Variants in DIP2C observed in about 807,000 individuals in gnomAD.
DIP2C encodes DIP2 acetate--CoA ligase C (putative).
Under a neutral mutation model 192.4 loss-of-function variants are expected in DIP2C, and 33 were observed. That is an observed-to-expected ratio of 0.17 (90% CI 0.13 to 0.23). DIP2C has a LOEUF of 0.23. Ranked by LOEUF, DIP2C falls within the 10% of genes least tolerant of loss-of-function variation. The pLI is 1.00. For synonymous variants in DIP2C, 979 were observed against 864.1 expected, an observed-to-expected ratio of 1.13 and a Z score of -2.33; for missense variants, 1,537 against 2,110.1, an observed-to-expected ratio of 0.73 and a Z score of 5.32.
At chr10:660,302 T>C (rs987704052) in intron 1 of DIP2C, among the ~76,000 whole-genome samples, 7 of 151,708 alleles carry the variant, frequency 4.6e-5, no homozygotes, top group African/African-American at 1.7e-4. Flanking sequence ...ACAGAGATTC[T>C]AGCCCTTGTC....
At chr10:358,818 G>A (rs1162895459) in intron 22 of DIP2C, among the ~76,000 whole-genome samples, 2 of 86,360 alleles carry the variant, frequency 2.3e-5, no homozygotes, top group African/African-American at 9.2e-5. Flanking sequence ...CGGGGGATTG[G>A]AGGGGGCAGA....
At chr10:538,699 T>C (rs1013763256) in intron 1 of DIP2C, among the ~76,000 whole-genome samples, 2 of 152,196 alleles carry the variant, frequency 1.3e-5, no homozygotes, top group South Asian at 2.1e-4. Context: ...GAACCTCAAA[T>C]TACCCAGGAA....
intron 8 of DIP2C, among the ~76,000 whole-genome samples, chr10:409,870 G>A (rs984797660): frequency 6.6e-6 from 1 of 152,238 alleles, no homozygotes; most frequent in Non-Finnish European, 1.5e-5. Context: ...AGCCTAAAAT[G>A]AGTTCTTAAA....
At chr10:582,046 AAC>A (rs1471085002) in intron 1 of DIP2C, among the ~76,000 whole-genome samples, 7 of 152,018 alleles carry the variant, frequency 4.6e-5, no homozygotes, top group Admixed American at 6.6e-5. Context: ...CGTCTATGAG[AAC>A]ACAGTTTACA....
At chr10:468,590 G>A (rs1394851492) in intron 3 of DIP2C, among the ~76,000 whole-genome samples, 1 of 152,126 alleles carries the variant, frequency 6.6e-6, no homozygotes, top group Non-Finnish European at 1.5e-5. Flanking sequence ...GAGAAACCCT[G>A]TTTCTACTAA....
At chr10:619,541 G>GCCCTCCCTCCCTCCCTCCCT (rs1554757196) in intron 1 of DIP2C, among the ~76,000 whole-genome samples, 32 of 67,896 alleles carry the variant, frequency 4.7e-4, no homozygotes, top group East Asian at 9.0e-4. Context: ...CCGCCCGCCC[G>GCCCTCCCTCCCTCCCTCCCT]CCCTCCCACC....
At chr10:488,607 C>T (rs549129393) in intron 1 of DIP2C, among the ~76,000 whole-genome samples, 18 of 152,318 alleles carry the variant, frequency 1.2e-4, no homozygotes, top group African/African-American at 4.1e-4. Flanking sequence ...ACGCCCCGTA[C>T]ATCCTCCTGA....
intron 1 of DIP2C, among the ~76,000 whole-genome samples, chr10:497,394 C>A (rs567584515): frequency 2.6e-5 from 4 of 152,168 alleles, no homozygotes; most frequent in African/African-American, 9.7e-5. Flanking sequence ...ACAGGCTCTC[C>A]CCTCCCACAC....
intron 1 of DIP2C, among the ~76,000 whole-genome samples, chr10:633,992 G>A (rs571285408): frequency 2.0e-5 from 3 of 152,256 alleles, no homozygotes; most frequent in South Asian, 4.2e-4. Context: ...CTTCACTGCT[G>A]AAGGGACAAG....
chr10:305,923 C>T (rs914075690), intron 32 of DIP2C, among the ~76,000 whole-genome samples: 5 of 151,240 alleles, frequency 3.3e-5, no homozygotes, highest in African/African-American at 9.8e-5. Context: ...CTGGGATTAC[C>T]GGTGTGAGCC....
At chr10:540,180 G>GT (rs1847900333) in intron 1 of DIP2C, among the ~76,000 whole-genome samples, 1 of 152,266 alleles carries the variant, frequency 6.6e-6, no homozygotes, top group Non-Finnish European at 1.5e-5. Context: ...TGATGTGCGT[G>GT]TTTTAAAGTC....
chr10:689,550 G>A lies in DIP2C; in HGVS notation c.29C>T (p.Ala10Val), dbSNP rs751856967. The A allele has an allele frequency of 8.6e-6, 11 of 1,278,936 alleles. No individual in the cohort carries two copies. The highest frequency in any genetic ancestry group is 4.3e-5 in the East Asian group (1 of 23,274). 79.2% of individuals were successfully genotyped at this position (1,278,936 alleles called of 1,614,324 possible). The change falls in exon 1 of 37, where the codon GCG becomes GTG. Residue 10 changes from alanine (A) to valine (V), a missense_variant. By Grantham distance (64) the Ala-to-Val change is moderately conservative. Around this residue, in one of 4 missense-constraint regions of DIP2C, gnomAD observed 473 missense variants for 539.6 expected, o/e 0.88. Transcript: ENST00000280886. This position sits in a 1 kb window ranked among gnomAD's most constrained non-coding sequence, Gnocchi z 6.1. ...GCGCGCCCGCACCTCCAGGGGCAGC[G>A]CCATGCCCTCCAGGCTGCGGTCCGC... MADRSLEGM[A>V]LPLEVRARLA...
chr10:326,115 G>C (rs1184501729), intron 31 of DIP2C, among the ~76,000 whole-genome samples: 3 of 152,110 alleles, frequency 2.0e-5, no homozygotes, highest in African/African-American at 4.8e-5. Context: ...TGGGAGCGGG[G>C]GGCAGGGGGT....
intron 1 of DIP2C, among the ~76,000 whole-genome samples, chr10:612,829 T>G (rs1360754176): frequency 6.6e-6 from 1 of 152,178 alleles, no homozygotes; most frequent in Non-Finnish European, 1.5e-5. Context: ...GCAAGTATTC[T>G]CTTCCGGAAA....
chr10:337,238 G>T (rs1345627092), intron 29 of DIP2C, among the ~76,000 whole-genome samples: 1 of 14,408 alleles, frequency 6.9e-5, no homozygotes, highest in African/African-American at 2.2e-4. Flanking sequence ...GGCCTAGGCC[G>T]GTGTGTGTGT....
intron 2 of DIP2C, among the ~76,000 whole-genome samples, chr10:473,153 T>C (rs2133448755): frequency 6.6e-6 from 1 of 152,240 alleles, no homozygotes; most frequent in Middle Eastern, 3.4e-3. Flanking sequence ...CAAAAAACAT[T>C]AATGCGGTCA....
chr10:443,334 A>G (rs1453351216), intron 3 of DIP2C, among the ~76,000 whole-genome samples: 2 of 152,182 alleles, frequency 1.3e-5, no homozygotes, highest in African/African-American at 4.8e-5. Context: ...ACTTCTGTCA[A>G]TATGAACTCA....
chr10:585,154 A>AAAAC (rs1438404315), intron 1 of DIP2C, among the ~76,000 whole-genome samples: 2 of 152,194 alleles, frequency 1.3e-5, no homozygotes, highest in African/African-American at 4.8e-5. Flanking sequence ...CCCTCAACAC[A>AAAAC]AAACAAGCTT....
intron 1 of DIP2C, among the ~76,000 whole-genome samples, chr10:603,887 CCA>C (rs1852273552): frequency 6.6e-6 from 1 of 151,970 alleles, no homozygotes; most frequent in African/African-American, 2.4e-5. Flanking sequence ...GCTCACAGCC[CCA>C]CACCCCTCCG....
Sources: gnomAD v4.1 joint callset for allele counts (sites outside exome capture counted in the v4.1 genomes callset) on GRCh38, gnomAD v4.1.1 for gene constraint, gnomAD v4.1.1 regional missense constraint, Gnocchi (gnomAD v3.1) non-coding constraint, MANE v1.5 for transcripts, NCBI Gene and HGNC (gene_info 2026-07-23, HGNC 2026-07-21) for gene names.